The following BDNF variants were observed in gnomAD, a reference collection of about 807,000 sequenced individuals.
BDNF encodes brain derived neurotrophic factor, also known as neurotrophic factor BDNF precursor form.
A neutral mutation model predicts 19.5 loss-of-function variants in BDNF; 1 was observed. The observed-to-expected ratio is 0.05, with a 90% CI of 0.02 to 0.24. BDNF has a LOEUF of 0.24. Among genes scored for constraint, BDNF ranks in the 10% least tolerant of loss-of-function variants. The probability of loss-of-function intolerance (pLI) is 1.00; values close to 1 mark genes in which losing one functional copy is unlikely to be tolerated. For missense variants in BDNF, 195 were observed against 317.6 expected, an observed-to-expected ratio of 0.61 and a Z score of 2.93; for synonymous variants, 100 against 121.6, an observed-to-expected ratio of 0.82 and a Z score of 1.17.
At chr11:27,709,650 A>C (rs1860247950) in intron 1 of BDNF, among the ~76,000 whole-genome samples, 2 of 152,188 alleles carry the variant, frequency 1.3e-5, no homozygotes, top group African/African-American at 4.8e-5. Context: ...TAAAACTGTC[A>C]GTTTCTGGCC....
chr11:27,688,376 AC>A (rs1201179941), intron 1 of BDNF, among the ~76,000 whole-genome samples: 1 of 152,204 alleles, frequency 6.6e-6, no homozygotes, highest in Non-Finnish European at 1.5e-5. Context: ...GAGCTAGATC[AC>A]TTGGCTGCCT....
At chr11:27,694,335 C>T (rs934611240) in intron 1 of BDNF, among the ~76,000 whole-genome samples, 2 of 152,102 alleles carry the variant, frequency 1.3e-5, no homozygotes, top group Non-Finnish European at 2.9e-5. Context: ...TATTATTAAA[C>T]CTTTTCCTCC....
intron 1 of BDNF, among the ~76,000 whole-genome samples, chr11:27,667,714 C>G (rs1014269302): frequency 2.6e-5 from 4 of 152,302 alleles, no homozygotes; most frequent in African/African-American, 9.6e-5. Flanking sequence ...ACAAGAAGAG[C>G]TAACTATCCT....
chr11:27,721,463 C>T (rs771615660), exon 1 of BDNF: 10 of 1,607,382 alleles, frequency 6.2e-6, no homozygotes, highest in Non-Finnish European at 8.5e-6. Flanking sequence ...TCTCGTCTCC[C>T]CAACAGATGC....
At chr11:27,662,723 A>ATGC (rs1816104780) in intron 1 of BDNF, among the ~76,000 whole-genome samples, 1 of 152,220 alleles carries the variant, frequency 6.6e-6, no homozygotes, top group Non-Finnish European at 1.5e-5. Flanking sequence ...TGAGAATCTA[A>ATGC]TGCTGCTGCT....
At chr11:27,670,250 AAATT>A (rs1476797018) in intron 1 of BDNF, among the ~76,000 whole-genome samples, 1 of 152,242 alleles carries the variant, frequency 6.6e-6, no homozygotes, top group South Asian at 2.1e-4. Flanking sequence ...CCTTATACAA[AAATT>A]AATTCAAGAT....
intron 1 of BDNF, chr11:27,659,589 TAAGA>T: frequency 1.0e-6 from 1 of 1,000,222 alleles, no homozygotes; most frequent in Non-Finnish European, 1.2e-6. Context: ...CACATCTAGC[TAAGA>T]AAGCTCAACT....
intron 1 of BDNF, among the ~76,000 whole-genome samples, chr11:27,669,829 T>C (rs1475130837): frequency 6.6e-6 from 1 of 152,122 alleles, no homozygotes; most frequent in Non-Finnish European, 1.5e-5. Flanking sequence ...ATGGCCATAC[T>C]ACCCAAGGTA....
intron 1 of BDNF, chr11:27,699,680 A>G (rs1859657714): frequency 7.1e-7 from 1 of 1,409,802 alleles, no homozygotes. Context: ...AGCTCCGGGG[A>G]AGGGATGCGG....
chr11:27,700,823 C>T (rs1343316889), upstream of BDNF: 11 of 1,227,176 alleles, frequency 9.0e-6, no homozygotes, highest in Non-Finnish European at 1.2e-5. Context: ...GCAGAAACCC[C>T]GGCTGTGGGC....
chr11:27,711,783 A>G (rs1860337921), intron 1 of BDNF, among the ~76,000 whole-genome samples: 1 of 152,270 alleles, frequency 6.6e-6, no homozygotes, highest in East Asian at 1.9e-4. Context: ...ATGAATGCAG[A>G]GTAAATGTCA....
intron 1 of BDNF, chr11:27,659,730 G>T: frequency 1.1e-6 from 1 of 943,570 alleles, no homozygotes; most frequent in Non-Finnish European, 1.3e-6. Flanking sequence ...GGAATAGGCA[G>T]CTAGTGCTTC....
chr11:27,677,604 AAC>A (rs991256313), intron 1 of BDNF: 3 of 152,158 alleles, frequency 2.0e-5, no homozygotes, highest in African/African-American at 4.8e-5. Context: ...ATCTATATAA[AAC>A]ACACTATCAA....
At chr11:27,714,634 A>G (rs1412904766) in intron 1 of BDNF, among the ~76,000 whole-genome samples, 2 of 152,186 alleles carry the variant, frequency 1.3e-5, no homozygotes, top group Non-Finnish European at 2.9e-5. Context: ...TTTTCATGAT[A>G]TACTTCTTAA....
intron 1 of BDNF, among the ~76,000 whole-genome samples, chr11:27,667,494 C>T (rs1033271975): frequency 6.6e-6 from 1 of 152,140 alleles, no homozygotes; most frequent in Admixed American, 6.6e-5. Context: ...AGAGTCAAGA[C>T]CCATCAGTGT....
chr11:27,657,629 A>C lies in BDNF; in HGVS notation c.*192T>G. 1 of 1,407,462 alleles carries C rather than the reference A, an allele frequency of 7.1e-7. No individual in the cohort carries two copies. The allele number at this position is 1,407,462 out of a possible 1,614,324, so 87.2% of individuals were successfully genotyped here. On this transcript the variant is annotated 3_prime_UTR_variant, in exon 2 of 2. Coordinates refer to ENST00000356660, the MANE Select transcript of BDNF (RefSeq NM_001709.5). The surrounding 1 kb of genome is among the most constrained non-coding windows in gnomAD (Gnocchi z 5.0). ...TGCAGACTTTTTAAGTTGTGCGCAA[A>C]TGACTGTTTCCCTTCTGGTCATGGA...
chr11:27,676,870 G>A (rs1190800141), intron 1 of BDNF: 1 of 152,228 alleles, frequency 6.6e-6, no homozygotes, highest in Non-Finnish European at 1.5e-5. Context: ...TATACACAGT[G>A]TGTTGTAGTG....
At chr11:27,685,115 T>C (rs968729357) in intron 1 of BDNF, among the ~76,000 whole-genome samples, 1 of 151,516 alleles carries the variant, frequency 6.6e-6, no homozygotes, top group African/African-American at 2.4e-5. Flanking sequence ...ACTTCTTCCT[T>C]TAGTCTTAGG....
intron 1 of BDNF, chr11:27,673,961 A>G: frequency 7.2e-7 from 1 of 1,380,384 alleles, no homozygotes; most frequent in South Asian, 1.6e-5. Flanking sequence ...AGTTGCCTCT[A>G]GAGACCAAAG....
Sources: allele counts gnomAD v4.1 joint callset (sites outside exome capture counted in the v4.1 genomes callset), GRCh38; gene constraint gnomAD v4.1.1; non-coding constraint Gnocchi (gnomAD v3.1); transcripts MANE v1.5; gene names NCBI Gene and HGNC (gene_info 2026-07-23, HGNC 2026-07-21).